Variants in DIPK1A observed in about 807,000 individuals in gnomAD.
DIPK1A encodes family with sequence similarity 69 member A.
In DIPK1A, 27 loss-of-function variants were observed where a neutral mutation model predicts 40.8. The ratio of observed to expected loss-of-function variants is 0.66; its 90% CI spans 0.49 to 0.91. The LOEUF (loss-of-function observed/expected upper bound fraction) is 0.91. Ranked by LOEUF, DIPK1A falls within the 40% of genes least tolerant of loss-of-function variation. DIPK1A has a pLI of 0.00. For missense variants in DIPK1A, 412 were observed against 505.7 expected (o/e 0.81, Z 1.78); for synonymous variants, 166 against 171.3 (o/e 0.97, Z 0.24).
chr1:92,889,325 G>T (rs922772242), intron 1 of DIPK1A, among the ~76,000 whole-genome samples: 12 of 152,030 alleles, frequency 7.9e-5, no homozygotes, highest in Non-Finnish European at 8.8e-5. Flanking sequence ...TTTATTTCTG[G>T]GTTCTGGGTT....
At chr1:92,880,919 C>A (rs564449228) in intron 1 of DIPK1A, among the ~76,000 whole-genome samples, 1 of 150,320 alleles carries the variant, frequency 6.7e-6, no homozygotes, top group South Asian at 2.1e-4. Context: ...TGGCGGGGCG[C>A]GGTGGCTCAC....
chr1:92,852,359 G>A (rs1276063085), intron 2 of DIPK1A, among the ~76,000 whole-genome samples: 7 of 152,122 alleles, frequency 4.6e-5, no homozygotes, highest in African/African-American at 1.2e-4. Flanking sequence ...TTAGCTGGGC[G>A]TGGTGGCGCA....
intron 1 of DIPK1A, among the ~76,000 whole-genome samples, chr1:92,884,827 A>G (rs1242835915): frequency 6.6e-6 from 1 of 152,228 alleles, no homozygotes; most frequent in Non-Finnish European, 1.5e-5. Context: ...TACTTGGAGT[A>G]GTTACTTCTA....
At chr1:92,896,446 A>G (rs1649170826) in intron 1 of DIPK1A, among the ~76,000 whole-genome samples, 1 of 152,228 alleles carries the variant, frequency 6.6e-6, no homozygotes, top group East Asian at 1.9e-4. Context: ...AAAACTGGCT[A>G]GCCATATATA....
intron 2 of DIPK1A, among the ~76,000 whole-genome samples, chr1:92,865,394 A>G (rs1324084236): frequency 6.6e-6 from 1 of 151,892 alleles, no homozygotes; most frequent in Non-Finnish European, 1.5e-5. Context: ...CCCCTCCTCC[A>G]CCATATTATA....
chr1:92,868,848 C>A (rs913157113), intron 2 of DIPK1A, among the ~76,000 whole-genome samples: 2 of 151,716 alleles, frequency 1.3e-5, no homozygotes, highest in Non-Finnish European at 2.9e-5. Context: ...CGCCTGTAAT[C>A]CCAGCTGCTT....
intron 1 of DIPK1A, among the ~76,000 whole-genome samples, chr1:92,878,749 G>C (rs1207304598): frequency 1.3e-5 from 2 of 152,050 alleles, no homozygotes; most frequent in African/African-American, 4.8e-5. Flanking sequence ...GAACCCCGGG[G>C]GGCGGAGCCT....
intron 1 of DIPK1A, among the ~76,000 whole-genome samples, chr1:92,941,486 CA>C (rs896735776): frequency 6.6e-6 from 1 of 152,082 alleles, no homozygotes; most frequent in African/African-American, 2.4e-5. Context: ...ACTAATATTG[CA>C]AAAAACTGTT....
downstream of DIPK1A, chr1:92,837,799 C>T: frequency 3.1e-6 from 2 of 637,832 alleles, no homozygotes; most frequent in Non-Finnish European, 5.5e-6. Flanking sequence ...GTGTGGGAGA[C>T]TTCAAGCATC....
chr1:92,954,037 A>C (rs1295812899), intron 1 of DIPK1A, among the ~76,000 whole-genome samples: 1 of 152,222 alleles, frequency 6.6e-6, no homozygotes, highest in East Asian at 1.9e-4. Flanking sequence ...CTTATTTTCA[A>C]AGATAAATTC....
intron 1 of DIPK1A, among the ~76,000 whole-genome samples, chr1:92,920,301 CAT>C (rs1266674747): frequency 2.6e-5 from 4 of 152,176 alleles, no homozygotes; most frequent in Admixed American, 2.0e-4. Flanking sequence ...GAATAAGTCT[CAT>C]GAGATCTGAT....
intron 2 of DIPK1A, among the ~76,000 whole-genome samples, chr1:92,863,219 A>C (rs913661323): frequency 2.0e-5 from 3 of 152,196 alleles, no homozygotes; most frequent in Non-Finnish European, 4.4e-5. Context: ...CCCAGGCTCA[A>C]GCACAGTGCA....
intron 1 of DIPK1A, among the ~76,000 whole-genome samples, chr1:92,955,734 GA>G (rs975761672): frequency 3.5e-5 from 5 of 143,824 alleles, no homozygotes; most frequent in African/African-American, 1.0e-4. Context: ...AAAGAAAAAA[GA>G]AAAAAAAATG....
chr1:92,922,209 G>GCTT (rs34741191), intron 1 of DIPK1A, among the ~76,000 whole-genome samples: 1 of 151,242 alleles, frequency 6.6e-6, no homozygotes, highest in Non-Finnish European at 1.5e-5. Flanking sequence ...TTTATCTATA[G>GCTT]TTTTATTGAA....
intron 1 of DIPK1A, among the ~76,000 whole-genome samples, chr1:92,924,773 C>T (rs994214572): frequency 1.3e-5 from 2 of 152,202 alleles, no homozygotes; most frequent in Non-Finnish European, 2.9e-5. Flanking sequence ...TGTGAGTTTG[C>T]TCATATCCTG....
chr1:92,897,222 A>G (rs2100814406), intron 1 of DIPK1A, among the ~76,000 whole-genome samples: 1 of 152,356 alleles, frequency 6.6e-6, no homozygotes, highest in East Asian at 1.9e-4. Context: ...TTACTGTGGC[A>G]CTATTCACAA....
chr1:92,854,752 A>T (rs1208461612), intron 2 of DIPK1A, among the ~76,000 whole-genome samples: 1 of 152,224 alleles, frequency 6.6e-6, no homozygotes, highest in Non-Finnish European at 1.5e-5. Flanking sequence ...GAGAGGCCCA[A>T]TGCCTTTCTT....
At chr1:92,867,244 T>G (rs1468449877) in intron 2 of DIPK1A, among the ~76,000 whole-genome samples, 3 of 143,936 alleles carry the variant, frequency 2.1e-5, no homozygotes, top group Non-Finnish European at 4.5e-5. Flanking sequence ...TTAGTAGAGT[T>G]GGGGTTTCAC....
chr1:92,850,058 C>T (rs1446985957), intron 3 of DIPK1A, among the ~76,000 whole-genome samples: 1 of 152,050 alleles, frequency 6.6e-6, no homozygotes, highest in African/African-American at 2.4e-5. Context: ...GCAGCCTCAA[C>T]CTCCTGGGCT....
Sources: gnomAD v4.1 joint callset for allele counts (sites outside exome capture counted in the v4.1 genomes callset) on GRCh38, gnomAD v4.1.1 for gene constraint, MANE v1.5 for transcripts, NCBI Gene and HGNC (gene_info 2026-07-23, HGNC 2026-07-21) for gene names.